Variants in ASXL1 observed in about 807,000 individuals in gnomAD.
The protein encoded by ASXL1 is polycomb group protein ASXL1.
Under a neutral mutation model 89.1 loss-of-function variants are expected in ASXL1, and 65 were observed. The ratio of observed to expected loss-of-function variants is 0.73; its 90% confidence interval spans 0.60 to 0.90. ASXL1 has a LOEUF of 0.90. Among genes scored for constraint, ASXL1 ranks in the 40% least tolerant of loss-of-function variants. ASXL1 has a pLI of 0.00. For missense variants in ASXL1, 1,786 were observed against 1,942.9 expected (o/e 0.92, Z 1.52); for synonymous variants, 739 against 746.9 (o/e 0.99, Z 0.17).
At chr20:32,399,409 A>G (rs969176129) in intron 4 of ASXL1, among the ~76,000 whole-genome samples, 2 of 149,968 alleles carry the variant, frequency 1.3e-5, no homozygotes, top group Non-Finnish European at 3.0e-5. Flanking sequence ...AGATTATGAT[A>G]TGCCAGTATG....
At chr20:32,431,532 TTC>T in intron 9 of ASXL1, 48 bp downstream of exon 9, 1 of 1,614,062 alleles carries the variant, frequency 6.2e-7, no homozygotes, top group Non-Finnish European at 8.5e-7. Context: ...TGGGCTTCTG[TTC>T]TCTTTTAAGT....
chr20:32,439,270 C>G lies in ASXL1; in HGVS notation c.*1932C>G, dbSNP rs2012085613. 4.3e-6 allele frequency: 1 copy of G among 232,892 alleles called. No individual in the cohort carries two copies. The allele number at this position is 232,892 out of a possible 1,614,324, so 14.4% of individuals were successfully genotyped here. A position where few individuals can be genotyped will look rare whatever the true frequency, so the allele number is the denominator to read the frequency against. On this transcript the variant is annotated 3_prime_UTR_variant, in exon 13 of 13. Transcript: ENST00000375687. ...ATGAGGCTGCCCAGAGAAAGCACTG[C>G]TTCTGTATGTCTCTTGTGGTATTGG...
chr20:32,433,072 G>C (rs928186552), intron 11 of ASXL1, 87 bp downstream of exon 11: 1 of 1,574,688 alleles, frequency 6.4e-7, no homozygotes, highest in Middle Eastern at 1.7e-4. Flanking sequence ...CTTATGTGTT[G>C]GACAAGAATG....
chr20:32,436,355 C>T lies in ASXL1; in HGVS notation c.3643C>T (p.Pro1215Ser), dbSNP rs2145385062. 1 of 1,613,788 alleles carries T rather than the reference C, an allele frequency of 6.2e-7. No homozygotes were observed. The highest frequency in any genetic ancestry group is 8.5e-7 in the Non-Finnish European group (1 of 1,180,036). ...AGTCCCAAGTTTTGACTCCCTCCAT[C>T]CAGTGACAAATCCCATTACATCCTC... ...KAVPSFDSLH[P>S]VTNPITSSRK... The change falls in exon 13 of 13, where the codon CCA (proline) becomes TCA (serine). Residue 1215 changes from proline to serine, a missense_variant. Pro to Ser is a moderately conservative substitution (Grantham distance 74). Transcript: ENST00000375687.
rs1295753461 is a variant in ASXL1, at chr20:32,359,899, GTTCCT to G, written c.57+1068_57+1072del. 6.3e-5 allele frequency: 45 copies of G among 712,794 alleles called. No homozygotes were observed. In the African/African-American group the frequency reaches 7.9e-4, roughly 12 times the overall value. The allele number at this position is 712,794 out of a possible 1,614,324, so 44.2% of individuals were successfully genotyped here. A position where few individuals can be genotyped will look rare whatever the true frequency, so the allele number is the denominator to read the frequency against. ...AGTAACAGGTTATACTAAGATGTCA[GTTCCT>G]AAGATCTGTCACACAGCGAGGTTGT... On this transcript the variant is annotated intron_variant, in intron 1 of 12. Transcript: ENST00000375687.
chr20:32,362,108 A>G (rs762537255), intron 1 of ASXL1, among the ~76,000 whole-genome samples: 1 of 152,190 alleles, frequency 6.6e-6, no homozygotes, highest in Non-Finnish European at 1.5e-5. Context: ...ATGTTTAAAA[A>G]AAGTTGCTGT....
At position 32,434,769 on chromosome 20, in the gene ASXL1, A is replaced by G. The variant is rs1323571527; in HGVS notation, c.2057A>G (p.Lys686Arg). ...AGGGGAGGCCCGAGCACCCCTGGAA[A>G]GTGTACGTCAGATCTACAGCGAACA... Reference protein sequence around the residue: ...EPRGGPSTPGKCTSDLQRTQL... With the variant: ...EPRGGPSTPGRCTSDLQRTQL... Residue 686 changes from lysine to arginine, a missense_variant, in exon 13 of 13, where the codon AAG becomes AGG. By Grantham distance (26) the Lys-to-Arg change is conservative (BLOSUM62 2). This residue lies in a region of ASXL1 where 1,418 missense variants were observed against 1,427.8 expected (regional missense o/e 0.99). Transcript: ENST00000375687. 6.2e-7 allele frequency: 1 copy of G among 1,613,802 alleles called. No individual in the cohort carries two copies.
At position 32,384,198 on chromosome 20, in the gene ASXL1, G is replaced by GTTTT. The variant is rs71187115; in HGVS notation, c.252+15098_252+15101dup. 1.6e-3 allele frequency among the ~76,000 whole-genome samples: 126 copies of GTTTT among 77,302 alleles called. 12 individuals are homozygous for GTTTT. The highest frequency in any genetic ancestry group is 5.1e-3 in the African/African-American group (108 of 21,144). 50.7% of individuals were successfully genotyped at this position (77,302 alleles called of 152,430 possible). ...CTTTGGTCAATTGTAGCAGCAGTCT[G>GTTTT]TTTTTTTTTTTTTTTTTTTTTTTTT... On this transcript the variant is annotated intron_variant, in intron 4 of 12. Transcript: ENST00000375687.
chr20:32,378,158 TTGTGTGTGTGTGTGTGTGTG>T (rs142792019), intron 4 of ASXL1, among the ~76,000 whole-genome samples: 2 of 130,316 alleles, frequency 1.5e-5, no homozygotes, highest in East Asian at 2.3e-4. Flanking sequence ...GCTGAGTAAT[TTGTGTGTGTGTGTGTGTGTG>T]TGTGTGTGTG....
intron 4 of ASXL1, among the ~76,000 whole-genome samples, chr20:32,419,724 C>T (rs2049206494): frequency 6.7e-6 from 1 of 150,344 alleles, no homozygotes; most frequent in Non-Finnish European, 1.5e-5. Flanking sequence ...TCTTGTTGCC[C>T]AGGCTGGAGT....
At chr20:32,418,319 G>A (rs2049173484) in intron 4 of ASXL1, among the ~76,000 whole-genome samples, 1 of 152,148 alleles carries the variant, frequency 6.6e-6, no homozygotes, top group East Asian at 1.9e-4. Flanking sequence ...CTGCAAATGA[G>A]CTGTGATAGC....
intron 4 of ASXL1, among the ~76,000 whole-genome samples, chr20:32,383,006 A>G (rs1408593701): frequency 1.3e-5 from 2 of 152,202 alleles, no homozygotes; most frequent in South Asian, 2.1e-4. Context: ...CCATACATCT[A>G]TATGATAATT....
chr20:32,414,796 TC>T (rs2049110049), intron 4 of ASXL1, among the ~76,000 whole-genome samples: 1 of 152,184 alleles, frequency 6.6e-6, no homozygotes, highest in African/African-American at 2.4e-5. Context: ...TAGGGGATCC[TC>T]CTGTTATCCA....
chr20:32,435,946 T>C lies in ASXL1; in HGVS notation c.3234T>C (p.Asp1078=), dbSNP rs1417511206. 6.2e-7 allele frequency: 1 copy of C among 1,614,058 alleles called. No individual in the cohort carries two copies. The highest frequency in any genetic ancestry group is 8.5e-7 in the Non-Finnish European group (1 of 1,180,036). ...GTGCGGTCCGCCAAAAGATCCCAGA[T>C]TCCCTACTGCTGGCCAGTACTGAGT... ...RVCAVRQKIP[D]SLLLASTEYQ... The change falls in exon 13 of 13, where the codon GAT becomes GAC. Residue 1078 remains aspartate, a synonymous_variant. Transcript: ENST00000375687.
chr20:32,381,818 C>T (rs1376500589), intron 4 of ASXL1, among the ~76,000 whole-genome samples: 1 of 151,930 alleles, frequency 6.6e-6, no homozygotes, highest in East Asian at 1.9e-4. Context: ...CTGGCCGCCT[C>T]TTATCAAAAT....
At chr20:32,426,726 A>G (rs2011319172) in intron 4 of ASXL1, among the ~76,000 whole-genome samples, 1 of 151,288 alleles carries the variant, frequency 6.6e-6, no homozygotes, top group South Asian at 2.1e-4. Context: ...CACCTGGCTA[A>G]TTTTTTGTAT....
intron 4 of ASXL1, among the ~76,000 whole-genome samples, chr20:32,410,689 T>C (rs2049027163): frequency 6.6e-6 from 1 of 152,096 alleles, no homozygotes; most frequent in Non-Finnish European, 1.5e-5. Context: ...GTACTTTCAT[T>C]CACTGGTTTT....
intron 4 of ASXL1, among the ~76,000 whole-genome samples, chr20:32,402,654 A>G (rs6579015): frequency 0.025 from 3,863 of 152,280 alleles, 158 homozygotes; most frequent in African/African-American, 0.087. Flanking sequence ...TGTTCATTGT[A>G]ATAGATGCAT....
chr20:32,409,221 C>T (rs1323650884), intron 4 of ASXL1, among the ~76,000 whole-genome samples: 1 of 152,176 alleles, frequency 6.6e-6, no homozygotes, highest in African/African-American at 2.4e-5. Context: ...GATCTACCTG[C>T]CTTGGCCTTC....
Sources: allele counts gnomAD v4.1 joint callset (sites outside exome capture counted in the v4.1 genomes callset), GRCh38; gene constraint gnomAD v4.1.1; regional missense constraint gnomAD v4.1.1; transcripts MANE v1.5; gene names NCBI Gene and HGNC (gene_info 2026-07-23, HGNC 2026-07-21).